The following CLINT1 variants were observed in gnomAD, a reference collection of about 807,000 sequenced individuals.
CLINT1 encodes clathrin interacting protein localized in the trans-Golgi region.
CLINT1 carries 15 observed loss-of-function variants against 70.4 expected under a neutral mutation model. That is an observed-to-expected ratio of 0.21 (90% CI 0.14 to 0.33). The LOEUF (loss-of-function observed/expected upper bound fraction) is 0.33. Among genes scored for constraint, CLINT1 ranks in the 10% least tolerant of loss-of-function variants. The pLI is 1.00. For missense variants in CLINT1, 615 were observed against 778.1 expected, an observed-to-expected ratio of 0.79 and a Z score of 2.49; for synonymous variants, 227 against 254.7, an observed-to-expected ratio of 0.89 and a Z score of 1.04.
intron 1 of CLINT1, among the ~76,000 whole-genome samples, chr5:157,821,214 CA>C (rs1374498031): frequency 6.6e-6 from 1 of 151,856 alleles, no homozygotes; most frequent in Non-Finnish European, 1.5e-5. Flanking sequence ...TTGATAACAC[CA>C]AAAAAATTTT....
At chr5:157,797,385 T>C (rs1308566809) in intron 8 of CLINT1, among the ~76,000 whole-genome samples, 1 of 152,092 alleles carries the variant, frequency 6.6e-6, no homozygotes, top group Non-Finnish European at 1.5e-5. Flanking sequence ...GGATTTTCTT[T>C]TCTGTTTTTC....
intron 1 of CLINT1, among the ~76,000 whole-genome samples, chr5:157,850,180 T>G (rs984111591): frequency 6.6e-6 from 1 of 152,158 alleles, no homozygotes; most frequent in Admixed American, 6.5e-5. Flanking sequence ...CTGAACCCAT[T>G]TGACTTAGTA....
At position 157,787,988 on chromosome 5, in the gene CLINT1, C is replaced by G. The variant is rs759775249; in HGVS notation, c.1536G>C (p.Met512Ile). ...SLNTMIQQQN[M>I]QQPMNVMTQS... ...GAGTCATCACATTCATAGGCTGCTG[C>G]ATATCTACCAGACGAAAACAGACAG... The change falls in exon 12 of 12, where the codon ATG becomes ATC. Residue 512 changes from methionine to isoleucine, a missense_variant. By Grantham distance (10) the Met-to-Ile change is conservative. Transcript: ENST00000411809. 6.2e-6 allele frequency: 10 copies of G among 1,603,542 alleles called. No homozygotes were observed. In the African/African-American group the frequency reaches 1.2e-4, roughly 19 times the overall value.
intron 4 of CLINT1, among the ~76,000 whole-genome samples, chr5:157,813,969 T>C (rs560942835): frequency 2.0e-5 from 3 of 152,248 alleles, no homozygotes; most frequent in Admixed American, 6.5e-5. Flanking sequence ...CGAACACTCA[T>C]GTTGTGTTGG....
Position 157,858,964 on chromosome 5 carries a change from T to C in CLINT1, c.7A>G (p.Asn3Asp). 2 of 1,554,746 alleles carry C rather than the reference T, an allele frequency of 1.3e-6. No homozygotes were observed. Among genetic ancestry groups the C allele is most frequent in the Non-Finnish European group, 1.7e-6 (2 of 1,143,606 alleles). Residue 3 changes from asparagine to aspartate, a missense_variant, in exon 1 of 12, where the codon AAC (asparagine) becomes GAC (aspartate). Around this residue, in one of 2 missense-constraint regions of CLINT1, gnomAD observed 241 missense variants for 368.6 expected, o/e 0.65. Transcript: ENST00000411809. ...ACCAGCTCGCGCACCTTCCACATGT[T>C]CAACATCGTGCCCCGCGCGGGACGG... ML[N>D]MWKVRELVDK...
intron 11 of CLINT1, among the ~76,000 whole-genome samples, chr5:157,789,115 G>C (rs909368121): frequency 1.3e-5 from 2 of 151,544 alleles, no homozygotes; most frequent in Admixed American, 1.3e-4. Context: ...TTTTATTTTA[G>C]TGATCAGGTC....
rs886465898 is a variant in CLINT1, at chr5:157,805,815, G to A, written c.942+51C>T. ...CTACTAATGCAGGAATTCGAAGAGC[G>A]GTTTATAAAAATAAAACCATGTATA... is the stretch of plus-strand genomic sequence containing the variant. On this transcript the variant is annotated intron_variant, in intron 7 of 11. Transcript: ENST00000411809. 32 of 1,601,730 alleles carry A rather than the reference G, an allele frequency of 2.0e-5. No homozygotes were observed. The East Asian group carries it at 2.5e-4, about 12-fold the overall frequency.
At chr5:157,803,427 G>A (rs1408529841) in intron 8 of CLINT1, among the ~76,000 whole-genome samples, 1 of 152,082 alleles carries the variant, frequency 6.6e-6, no homozygotes, top group Non-Finnish European at 1.5e-5. Context: ...TAGTCTGAGG[G>A]TGGGTCAGAA....
At chr5:157,818,163 T>C (rs898315834) in intron 1 of CLINT1, among the ~76,000 whole-genome samples, 1 of 152,172 alleles carries the variant, frequency 6.6e-6, no homozygotes, top group Non-Finnish European at 1.5e-5. Flanking sequence ...CATCAGGAGA[T>C]TGTACGATGG....
chr5:157,805,639 AAAAGTGTCATTTC>A (rs1486250551), intron 7 of CLINT1, among the ~76,000 whole-genome samples: 1 of 152,196 alleles, frequency 6.6e-6, no homozygotes, highest in Non-Finnish European at 1.5e-5. Flanking sequence ...CAAACAAACC[AAAAGTGTCATTTC>A]TACTTTCATA....
At chr5:157,814,996 G>T (rs1457594872) in intron 3 of CLINT1, among the ~76,000 whole-genome samples, 1 of 147,908 alleles carries the variant, frequency 6.8e-6, no homozygotes, top group South Asian at 2.1e-4. Flanking sequence ...CCGCACCACT[G>T]CACTCCAGCC....
Position 157,802,490 on chromosome 5 carries a change from A to C in CLINT1, c.1012+1160T>G, listed in dbSNP as rs1762255270. On this transcript the variant is annotated intron_variant, in intron 8 of 11. Transcript: ENST00000411809. ...TGGAAATCAAACTGAAGAAATCATCAATCTCATCTATGAGAAATTCAAGGT... is the reference window on the plus strand; with the variant it reads ...TGGAAATCAAACTGAAGAAATCATCCATCTCATCTATGAGAAATTCAAGGT... Among the ~76,000 whole-genome samples, 3 of 152,184 alleles carry C rather than the reference A, an allele frequency of 2.0e-5. No individual in the cohort carries two copies. The South Asian group carries it at 6.2e-4, about 32-fold the overall frequency.
chr5:157,820,383 A>G (rs1290733111), intron 1 of CLINT1, among the ~76,000 whole-genome samples: 1 of 152,198 alleles, frequency 6.6e-6, no homozygotes, highest in South Asian at 2.1e-4. Flanking sequence ...CAGGAGGTTG[A>G]GGCTACAGAG....
At chr5:157,825,727 A>G (rs995096627) in intron 1 of CLINT1, among the ~76,000 whole-genome samples, 6 of 152,158 alleles carry the variant, frequency 3.9e-5, no homozygotes, top group African/African-American at 1.4e-4. Context: ...TTAAAATTAT[A>G]ATTAAGTTGT....
rs1038647839 is a variant in CLINT1, at chr5:157,785,794, G to A, written c.*1852C>T. On this transcript the variant is annotated 3_prime_UTR_variant, in exon 12 of 12. Transcript: ENST00000411809. ...CTAAGAACCATACATATTTGAGAAA[G>A]TGAAGATATACTTCTTAAAGAAAAA... 6.6e-6 allele frequency: 1 copy of A among 152,120 alleles called. No homozygotes were observed. Among genetic ancestry groups the A allele is most frequent in the African/African-American group, 2.4e-5 (1 of 41,436 alleles). The allele number at this position is 152,120 out of a possible 1,614,324, so 9.4% of individuals were successfully genotyped here. A position where few individuals can be genotyped will look rare whatever the true frequency, so the allele number is the denominator to read the frequency against.
At chr5:157,815,150 A>C (rs1019862467) in intron 3 of CLINT1, among the ~76,000 whole-genome samples, 3 of 135,726 alleles carry the variant, frequency 2.2e-5, no homozygotes, top group Non-Finnish European at 3.2e-5. Context: ...CACACACACA[A>C]ATAGCTGGGT....
intron 3 of CLINT1, 66 bp from the exon 4 acceptor site, chr5:157,814,359 T>TA (rs140043015): frequency 3.8e-5 from 40 of 1,040,128 alleles, no homozygotes; most frequent in South Asian, 5.8e-5. Flanking sequence ...GGTAAATGGT[T>TA]AAAAAAAATA....
At chr5:157,799,895 G>GA (rs1762163258) in intron 8 of CLINT1, among the ~76,000 whole-genome samples, 1 of 152,102 alleles carries the variant, frequency 6.6e-6, no homozygotes, top group African/African-American at 2.4e-5. Context: ...TAACACAATA[G>GA]AAAGTGTTTG....
Position 157,789,362 on chromosome 5 carries a change from C to T in CLINT1, c.1531+1G>A. 1 of 1,613,722 alleles carries T rather than the reference C, an allele frequency of 6.2e-7. No individual in the cohort carries two copies. Among genetic ancestry groups the T allele is most frequent in the South Asian group, 1.1e-5 (1 of 91,070 alleles). ...AAGTGGGACGTCTTAAGGTAACTTA[C>T]TCTGTTGCTGAATCATTGTATTCAG... On this transcript the variant is annotated splice_donor_variant, in intron 11 of 11. Coordinates refer to ENST00000411809, the MANE Select transcript of CLINT1 (RefSeq NM_014666.4). LOFTEE classifies it high-confidence loss of function.
Sources: allele counts gnomAD v4.1 joint callset (sites outside exome capture counted in the v4.1 genomes callset), GRCh38; gene constraint gnomAD v4.1.1; regional missense constraint gnomAD v4.1.1; transcripts MANE v1.5; gene names NCBI Gene and HGNC (gene_info 2026-07-23, HGNC 2026-07-21).